Variants in SCAPER observed in about 807,000 individuals in gnomAD.
The protein encoded by SCAPER is S phase cyclin A-associated protein in the endoplasmic reticulum.
SCAPER carries 98 observed loss-of-function variants against 182.2 expected under a neutral mutation model. The ratio of observed to expected loss-of-function variants is 0.54; its 90% CI spans 0.46 to 0.64. The LOEUF (loss-of-function observed/expected upper bound fraction) is 0.64. SCAPER is among the 30% of genes least tolerant of loss of function. The probability of loss-of-function intolerance (pLI) is 0.00; values close to 1 mark genes in which losing one functional copy is unlikely to be tolerated. For missense variants in SCAPER, 1,432 were observed against 1,690.0 expected (o/e 0.85, Z 2.68); for synonymous variants, 605 against 564.6 (o/e 1.07, Z -1.01).
chr15:76,890,649 C>T (rs1043330761), intron 1 of SCAPER, among the ~76,000 whole-genome samples: 1 of 152,174 alleles, frequency 6.6e-6, no homozygotes, highest in Non-Finnish European at 1.5e-5. Context: ...AGACCAATAA[C>T]GGGCTCTGAA....
chr15:76,560,098 T>TA (rs1484107472), intron 23 of SCAPER, among the ~76,000 whole-genome samples: 1 of 152,156 alleles, frequency 6.6e-6, no homozygotes, highest in Non-Finnish European at 1.5e-5. Flanking sequence ...GCTATGGTCT[T>TA]AATGTTTGTG....
chr15:76,798,892 C>G lies in SCAPER; in HGVS notation c.611+1356G>C, dbSNP rs79367128. 7.1e-3 allele frequency among the ~76,000 whole-genome samples: 1,077 copies of G among 151,400 alleles called. 30 individuals carry two copies. Among genetic ancestry groups the G allele is most frequent in the Admixed American group, 0.044 (668 of 15,222 alleles). On this transcript the variant is annotated intron_variant, in intron 7 of 31. Coordinates refer to ENST00000563290, the MANE Select transcript of SCAPER (RefSeq NM_020843.4). ...TCCAACAAGAAATACTAAAGGGAGT[C>G]CAGGCTCAAACAAAAGGACAATAGA...
chr15:76,404,344 G>A (rs553164525), intron 27 of SCAPER, among the ~76,000 whole-genome samples, 180 bp downstream of exon 27: 2 of 152,044 alleles, frequency 1.3e-5, no homozygotes, highest in African/African-American at 4.8e-5. Flanking sequence ...AGAGTGTGTG[G>A]CCCAGAAAAA....
intron 20 of SCAPER, among the ~76,000 whole-genome samples, chr15:76,686,668 G>A (rs2058053976): frequency 1.3e-5 from 2 of 151,962 alleles, no homozygotes; most frequent in African/African-American, 4.8e-5. Flanking sequence ...CAATCAAAAG[G>A]ATAGTAAATA....
chr15:76,811,056 G>GA (rs2066568646), intron 5 of SCAPER, among the ~76,000 whole-genome samples: 1 of 132,722 alleles, frequency 7.5e-6, no homozygotes, highest in African/African-American at 2.7e-5. Context: ...TCTGAAAGAA[G>GA]AAATTGACTG....
chr15:76,850,859 CAAAAAA>C (rs59202490), intron 4 of SCAPER, among the ~76,000 whole-genome samples: 1 of 90,052 alleles, frequency 1.1e-5, no homozygotes, highest in Admixed American at 1.3e-4. Flanking sequence ...GACTCTGTCT[CAAAAAA>C]AAAAAAAAAA....
chr15:76,724,471 C>T (rs537003207), intron 17 of SCAPER, among the ~76,000 whole-genome samples: 1 of 152,234 alleles, frequency 6.6e-6, no homozygotes, highest in South Asian at 2.1e-4. Flanking sequence ...GAATGTTGGC[C>T]TGCCTTGCTG....
chr15:76,792,326 A>G (rs906158538), intron 8 of SCAPER, among the ~76,000 whole-genome samples: 1 of 152,102 alleles, frequency 6.6e-6, no homozygotes, highest in African/African-American at 2.4e-5. Flanking sequence ...ACAGGTCTTC[A>G]AGGCTGATAC....
At chr15:76,641,906 G>A (rs1258242491) in intron 21 of SCAPER, among the ~76,000 whole-genome samples, 1 of 152,126 alleles carries the variant, frequency 6.6e-6, no homozygotes, top group Non-Finnish European at 1.5e-5. Context: ...ACAACATGTT[G>A]TCACTGAATA....
At chr15:76,825,612 A>G (rs1447144890) in intron 5 of SCAPER, among the ~76,000 whole-genome samples, 1 of 152,238 alleles carries the variant, frequency 6.6e-6, no homozygotes, top group Non-Finnish European at 1.5e-5. Context: ...TTATTCCAAA[A>G]TTGTAAATTG....
At chr15:76,423,300 T>C (rs1230189642) in intron 26 of SCAPER, among the ~76,000 whole-genome samples, 6 of 152,334 alleles carry the variant, frequency 3.9e-5, no homozygotes. Flanking sequence ...TTTCAGAGCC[T>C]GTTATTGGTC....
intron 21 of SCAPER, among the ~76,000 whole-genome samples, chr15:76,636,587 C>T (rs1039751761): frequency 7.2e-5 from 11 of 152,084 alleles, no homozygotes; most frequent in African/African-American, 2.7e-4. Flanking sequence ...CAGACAATTA[C>T]AATTCTTTGA....
chr15:76,859,335 C>A (rs1039970051), intron 3 of SCAPER, among the ~76,000 whole-genome samples: 1 of 152,168 alleles, frequency 6.6e-6, no homozygotes, highest in Non-Finnish European at 1.5e-5. Context: ...CCTACAGAGC[C>A]ACATCCTTTA....
chr15:76,725,552 TGAAAA>T (rs1337856973), intron 17 of SCAPER, among the ~76,000 whole-genome samples: 1 of 152,000 alleles, frequency 6.6e-6, no homozygotes, highest in Non-Finnish European at 1.5e-5. Context: ...AAAACAATCT[TGAAAA>T]GAACAAAGAG....
At chr15:76,369,319 T>C (rs1401371988) in intron 29 of SCAPER, among the ~76,000 whole-genome samples, 1 of 152,234 alleles carries the variant, frequency 6.6e-6, no homozygotes, top group Non-Finnish European at 1.5e-5. Context: ...TTCTGACTAA[T>C]GATAAGGAAA....
chr15:76,863,765 C>A (rs1008119883), intron 2 of SCAPER, among the ~76,000 whole-genome samples: 4 of 152,096 alleles, frequency 2.6e-5, no homozygotes, highest in Non-Finnish European at 4.4e-5. Context: ...CAATAAAATG[C>A]GGCAGAAGGG....
At chr15:76,794,058 A>C (rs1260487386) in intron 8 of SCAPER, among the ~76,000 whole-genome samples, 1 of 152,236 alleles carries the variant, frequency 6.6e-6, no homozygotes, top group Non-Finnish European at 1.5e-5. Flanking sequence ...GTGGCATGAG[A>C]GCAGAGGAAA....
chr15:76,387,776 A>C (rs2043385518), intron 27 of SCAPER, among the ~76,000 whole-genome samples: 2 of 152,220 alleles, frequency 1.3e-5, no homozygotes, highest in African/African-American at 4.8e-5. Context: ...TAAAAACAGG[A>C]GAAAATATAC....
chr15:76,444,645 T>C (rs995668751), intron 25 of SCAPER, among the ~76,000 whole-genome samples: 1 of 152,216 alleles, frequency 6.6e-6, no homozygotes, highest in Admixed American at 6.5e-5. Context: ...TTTGGGACCA[T>C]TTCAGCTACT....
Sources: gnomAD v4.1 joint callset for allele counts (sites outside exome capture counted in the v4.1 genomes callset) on GRCh38, gnomAD v4.1.1 for gene constraint, MANE v1.5 for transcripts, NCBI Gene and HGNC (gene_info 2026-07-23, HGNC 2026-07-21) for gene names.